ARHGEF3: variants seen among roughly 807,000 people sequenced by gnomAD.
ARHGEF3 encodes Rho guanine nucleotide exchange factor 3, also known as 59.8 kDA protein.
ARHGEF3 carries 28 observed loss-of-function variants against 63.2 expected under a neutral mutation model. The observed-to-expected ratio is 0.44, with a 90% CI of 0.33 to 0.61. ARHGEF3 has a LOEUF of 0.61. Ranked by LOEUF, ARHGEF3 falls within the 20% of genes least tolerant of loss-of-function variation. ARHGEF3 has a pLI of 0.03. For synonymous variants in ARHGEF3, 266 were observed against 254.2 expected, an observed-to-expected ratio of 1.05 and a Z score of -0.44; for missense variants, 533 against 659.3, an observed-to-expected ratio of 0.81 and a Z score of 2.10.
At chr3:57,051,364 G>A (rs1294570045) in intron 1 of ARHGEF3, among the ~76,000 whole-genome samples, 21 of 152,056 alleles carry the variant, frequency 1.4e-4, no homozygotes, top group African/African-American at 5.1e-4. Flanking sequence ...GTGCATGCCT[G>A]TAATCCCAGC....
chr3:56,775,225 T>C (rs752372063), intron 1 of ARHGEF3: 8 of 1,374,020 alleles, frequency 5.8e-6, no homozygotes, highest in East Asian at 5.8e-5. Flanking sequence ...ATCCCCGTTC[T>C]GAACATAGTA....
At chr3:56,827,603 G>C (rs943517494) in intron 4 of ARHGEF3, among the ~76,000 whole-genome samples, 11 of 151,840 alleles carry the variant, frequency 7.2e-5, no homozygotes, top group Admixed American at 2.0e-4. Flanking sequence ...TGCTAGTAAA[G>C]CAGACATTTG....
At chr3:56,733,617 C>T (rs2107688912) in intron 8 of ARHGEF3, among the ~76,000 whole-genome samples, 1 of 152,250 alleles carries the variant, frequency 6.6e-6, no homozygotes, top group East Asian at 1.9e-4. Context: ...TCATTATCAG[C>T]TTTATTCAGG....
intron 7 of ARHGEF3, among the ~76,000 whole-genome samples, chr3:56,740,572 C>T (rs772425956): frequency 8.5e-5 from 13 of 152,206 alleles, no homozygotes; most frequent in Non-Finnish European, 1.5e-4. Flanking sequence ...AGAACCTGTT[C>T]CATGTTAGAC....
intron 4 of ARHGEF3, among the ~76,000 whole-genome samples, chr3:56,867,939 AT>A (rs1453947951): frequency 2.0e-5 from 3 of 152,184 alleles, no homozygotes; most frequent in Non-Finnish European, 4.4e-5. Context: ...TTCTGGCTCT[AT>A]TTATCAAACC....
intron 4 of ARHGEF3, among the ~76,000 whole-genome samples, chr3:56,820,206 G>T (rs1159424968): frequency 6.6e-6 from 1 of 152,132 alleles, no homozygotes; most frequent in Admixed American, 6.5e-5. Context: ...ACTGCCAGGG[G>T]AGGCCAGTAG....
chr3:57,030,955 C>G (rs9841025), intron 2 of ARHGEF3, among the ~76,000 whole-genome samples: 10,858 of 152,200 alleles, frequency 0.071, 1,353 homozygotes, highest in African/African-American at 0.25. Context: ...ATCTCACAAA[C>G]GGAAGCACGG....
At chr3:56,974,059 C>G (rs761114686) in intron 2 of ARHGEF3, among the ~76,000 whole-genome samples, 1 of 152,160 alleles carries the variant, frequency 6.6e-6, no homozygotes, top group Non-Finnish European at 1.5e-5. Context: ...GCACTCCAGC[C>G]TGGGCGACAG....
At chr3:57,013,760 G>A (rs1425480040) in intron 2 of ARHGEF3, among the ~76,000 whole-genome samples, 2 of 152,212 alleles carry the variant, frequency 1.3e-5, no homozygotes, top group African/African-American at 2.4e-5. Flanking sequence ...AGCACTTGGT[G>A]TCTAGCTCAG....
At chr3:57,069,500 T>C (rs192403425) in intron 1 of ARHGEF3, among the ~76,000 whole-genome samples, 24 of 152,308 alleles carry the variant, frequency 1.6e-4, no homozygotes, top group African/African-American at 4.8e-4. Flanking sequence ...CAGGTTGTTC[T>C]TTAAGTTTAG....
chr3:56,745,487 G>T lies in ARHGEF3; in HGVS notation c.613-25C>A, dbSNP rs1289569320. On this transcript the variant is annotated intron_variant, in intron 6 of 9. Coordinates refer to ENST00000296315, the MANE Select transcript of ARHGEF3 (RefSeq NM_019555.3). ...GCTAAGAAGGAAACAGAAAGAGAAG[G>T]TTGGAATGTCAAAATAATTGAGCTC... 1.1e-5 allele frequency: 18 copies of T among 1,608,252 alleles called. No homozygotes were observed. The East Asian group carries it at 4.0e-4, about 36-fold the overall frequency.
At chr3:56,740,010 C>G (rs2033910599) in intron 7 of ARHGEF3, among the ~76,000 whole-genome samples, 1 of 151,976 alleles carries the variant, frequency 6.6e-6, no homozygotes, top group Non-Finnish European at 1.5e-5. Flanking sequence ...AGCGATTCTC[C>G]TGCCTCAGCC....
intron 1 of ARHGEF3, among the ~76,000 whole-genome samples, chr3:56,792,094 ACT>A (rs1453180186): frequency 8.0e-6 from 1 of 124,448 alleles, no homozygotes; most frequent in Non-Finnish European, 1.7e-5. Flanking sequence ...CAAGAGTGAG[ACT>A]CTGTCTCAAA....
At chr3:56,855,344 C>T (rs2039831988) in intron 4 of ARHGEF3, among the ~76,000 whole-genome samples, 1 of 152,128 alleles carries the variant, frequency 6.6e-6, no homozygotes, top group South Asian at 2.1e-4. Context: ...TAACTCTTTT[C>T]AAAACACTCA....
chr3:57,074,346 TC>T, intron 1 of ARHGEF3: 2 of 1,291,998 alleles, frequency 1.5e-6, no homozygotes, highest in Non-Finnish European at 2.2e-6. Flanking sequence ...CTCCCTTCCA[TC>T]CCCCACCCCC....
At position 56,728,275 on chromosome 3, in the gene ARHGEF3, T is replaced by G. The variant is rs2032859060; in HGVS notation, c.*995A>C. 1 of 152,680 alleles carries G rather than the reference T, an allele frequency of 6.5e-6. No individual in the cohort carries two copies. Among genetic ancestry groups the G allele is most frequent in the Non-Finnish European group, 1.5e-5 (1 of 68,048 alleles). 9.5% of individuals were successfully genotyped at this position (152,680 alleles called of 1,614,324 possible). On this transcript the variant is annotated 3_prime_UTR_variant, in exon 10 of 10. Transcript: ENST00000296315. ...AGCTCTGGCCTTTCTCAGAAGGCACTGGACCATGCTTTTCTCTCAATGGCT... is the reference window on the plus strand; with the variant it reads ...AGCTCTGGCCTTTCTCAGAAGGCACGGGACCATGCTTTTCTCTCAATGGCT...
In ARHGEF3 at chr3:56,967,401, A is replaced by AATATATTATATATTATACATATT. The variant is rs1560091724; in HGVS notation, c.63-8535_63-8513dup. Among the ~76,000 whole-genome samples, 5 of 29,808 alleles carry AATATATTATATATTATACATATT rather than the reference A, an allele frequency of 1.7e-4. No homozygotes were observed. In the Admixed American group the frequency reaches 2.2e-3, roughly 13 times the overall value. The allele number at this position is 29,808 out of a possible 152,430, so 19.6% of individuals were successfully genotyped here. A position where few individuals can be genotyped will look rare whatever the true frequency, so the allele number is the denominator to read the frequency against. The stretch of plus-strand genomic sequence containing the variant: ...ATATTATACATATTATATATTATAT[A>AATATATTATATATTATACATATT]ATATATTATATATTATACATATTAT... On this transcript the variant is annotated intron_variant, in intron 2 of 12. Coordinates refer to the ARHGEF3 transcript ENST00000338458.
intron 4 of ARHGEF3, among the ~76,000 whole-genome samples, chr3:56,876,996 G>T (rs892878834): frequency 3.9e-5 from 6 of 152,222 alleles, no homozygotes; most frequent in African/African-American, 1.4e-4. Context: ...CCATGCCTGT[G>T]AGATTCCACA....
At chr3:56,906,227 T>C (rs1330490229) in intron 3 of ARHGEF3, among the ~76,000 whole-genome samples, 2 of 152,162 alleles carry the variant, frequency 1.3e-5, no homozygotes, top group African/African-American at 2.4e-5. Flanking sequence ...TTAAATAAAA[T>C]TTAAAATGCA....
Sources: gnomAD v4.1 joint callset for allele counts (sites outside exome capture counted in the v4.1 genomes callset) on GRCh38, gnomAD v4.1.1 for gene constraint, MANE v1.5 for transcripts, NCBI Gene and HGNC (gene_info 2026-07-23, HGNC 2026-07-21) for gene names.